PCBD1: variants seen among roughly 807,000 people sequenced by gnomAD.
PCBD1 encodes pterin-4-alpha-carbinolamine dehydratase.
Under a neutral mutation model 12.6 loss-of-function variants are expected in PCBD1, and 16 were observed. The observed-to-expected ratio is 1.27, with a 90% CI of 0.86 to 1.93. The LOEUF is 1.93. PCBD1 is among the 30% of genes most tolerant of loss of function. The probability of loss-of-function intolerance (pLI) is 0.00; values close to 1 mark genes in which losing one functional copy is unlikely to be tolerated. For synonymous variants in PCBD1, 53 were observed against 50.2 expected, an observed-to-expected ratio of 1.05 and a Z score of -0.23; for missense variants, 86 against 130.1, an observed-to-expected ratio of 0.66 and a Z score of 1.65.
chr10:70,887,388 G>A (rs1846600836), intron 1 of PCBD1, among the ~76,000 whole-genome samples: 2 of 152,068 alleles, frequency 1.3e-5, no homozygotes, highest in South Asian at 4.1e-4. Context: ...CTTCCCCTCG[G>A]CTCTGGATGA....
rs1387603530 is a variant in PCBD1, at chr10:70,888,518, C to G, written c.3+13G>C. 2.3e-6 allele frequency: 3 copies of G among 1,327,568 alleles called. No individual in the cohort carries two copies. The highest frequency in any genetic ancestry group is 2.9e-6 in the Non-Finnish European group (3 of 1,037,024). 82.2% of individuals were successfully genotyped at this position (1,327,568 alleles called of 1,614,324 possible). ...CCGCTGCCCCGATCGCGGCCGCGCACCCCTGGACTCACCATGGCGCGGGCG... is the reference window on the plus strand; with the variant it reads ...CCGCTGCCCCGATCGCGGCCGCGCAGCCCTGGACTCACCATGGCGCGGGCG... On this transcript the variant is annotated intron_variant, in intron 1 of 3. Coordinates refer to ENST00000299299, the MANE Select transcript of PCBD1 (RefSeq NM_000281.4).
intron 1 of PCBD1, among the ~76,000 whole-genome samples, chr10:70,887,111 T>A (rs1345076159): frequency 6.6e-6 from 1 of 152,154 alleles, no homozygotes; most frequent in Non-Finnish European, 1.5e-5. Flanking sequence ...ACCAGCCAGG[T>A]GGCTGTACCT....
At position 70,883,540 on chromosome 10, in the gene PCBD1, T is replaced by C. The variant is rs769160766; in HGVS notation, c.*410A>G. 3 of 1,103,958 alleles carry C rather than the reference T, an allele frequency of 2.7e-6. No homozygotes were observed. The highest frequency in any genetic ancestry group is 2.2e-6 in the Non-Finnish European group (2 of 899,008). The allele number at this position is 1,103,958 out of a possible 1,614,324, so 68.4% of individuals were successfully genotyped here. A position where few individuals can be genotyped will look rare whatever the true frequency, so the allele number is the denominator to read the frequency against. On this transcript the variant is annotated 3_prime_UTR_variant, in exon 4 of 4. Transcript: ENST00000299299. ...TGATATAATAGTTTTATTTGAGACA[T>C]AAAAACACATGTGTTTCTATTACAT...
intron 2 of PCBD1, 30 bp from the exon 3 acceptor site, chr10:70,885,262 T>C (rs1846564320): frequency 2.5e-6 from 4 of 1,574,372 alleles, no homozygotes; most frequent in African/African-American, 2.7e-5. Context: ...GCCAGGTTAG[T>C]GTTCTAAGAG....
At chr10:70,886,025 C>T in intron 1 of PCBD1, 96 bp from the exon 2 acceptor site, 3 of 1,496,250 alleles carry the variant, frequency 2.0e-6, no homozygotes, top group Non-Finnish European at 9.1e-7. Context: ...CTTCCACTGG[C>T]TGCTTTGGAC....
intron 1 of PCBD1, chr10:70,888,137 A>G: frequency 5.8e-6 from 1 of 173,478 alleles, no homozygotes; most frequent in Non-Finnish European, 1.2e-5. Context: ...ACGAGCGCGC[A>G]AACTCAGCCT....
chr10:70,888,334 G>T (rs1263192024), intron 1 of PCBD1, 197 bp downstream of exon 1: 33 of 481,156 alleles, frequency 6.9e-5, no homozygotes, highest in Non-Finnish European at 9.8e-5. Context: ...ATTCGAACCC[G>T]CCACCGCCCC....
intron 1 of PCBD1, among the ~76,000 whole-genome samples, chr10:70,886,896 C>T (rs943486311): frequency 6.6e-6 from 1 of 152,184 alleles, no homozygotes; most frequent in Non-Finnish European, 1.5e-5. Flanking sequence ...CTAGGAGGAT[C>T]CAGGTCTAGG....
intron 3 of PCBD1, 67 bp downstream of exon 3, chr10:70,885,085 G>T: frequency 7.7e-7 from 1 of 1,306,630 alleles, no homozygotes; most frequent in South Asian, 1.2e-5. Context: ...AAAGCCTTCA[G>T]AATGTGTCAG....
At chr10:70,887,896 G>T (rs827241) in intron 1 of PCBD1, 1 of 152,250 alleles carries the variant, frequency 6.6e-6, no homozygotes, top group Non-Finnish European at 1.5e-5. Context: ...GATGAAGCTC[G>T]CGAGCTTACA....
Position 70,883,903 on chromosome 10 carries a change from T to C in PCBD1, c.*47A>G. ...CTCAGCTCCCTCCCTGGACTCCCAGTTCAGTCACCCCTTCCCCCGGAAGAA... is the reference window on the plus strand; with the variant it reads ...CTCAGCTCCCTCCCTGGACTCCCAGCTCAGTCACCCCTTCCCCCGGAAGAA... On this transcript the variant is annotated 3_prime_UTR_variant, in exon 4 of 4. Transcript: ENST00000299299. 1 of 1,590,382 alleles carries C rather than the reference T, an allele frequency of 6.3e-7. No individual in the cohort carries two copies. The highest frequency in any genetic ancestry group is 8.6e-7 in the Non-Finnish European group (1 of 1,167,076).
rs924177324 is a variant in PCBD1, at chr10:70,883,682, T to G, written c.*268A>C. ...GGCCTGGCAAGAAAATCATTATTGTTGCTGGGAAGTTGCAAAGAAAGGGGA... is the reference window on the plus strand; with the variant it reads ...GGCCTGGCAAGAAAATCATTATTGTGGCTGGGAAGTTGCAAAGAAAGGGGA... On this transcript the variant is annotated 3_prime_UTR_variant, in exon 4 of 4. Coordinates refer to ENST00000299299, the MANE Select transcript of PCBD1 (RefSeq NM_000281.4). The G allele has an allele frequency of 4.5e-6, 6 of 1,336,330 alleles. No individual in the cohort carries two copies. Among genetic ancestry groups the G allele is most frequent in the Non-Finnish European group, 5.8e-6 (6 of 1,037,684 alleles). The allele number at this position is 1,336,330 out of a possible 1,614,324, so 82.8% of individuals were successfully genotyped here. A position where few individuals can be genotyped will look rare whatever the true frequency, so the allele number is the denominator to read the frequency against.
chr10:70,885,792 C>A lies in PCBD1; in HGVS notation c.135+6G>T. ...CAGAAAACTCTGTCCCACCCTGGTGCCATACCCTGTTGAAGTCTTTGAAAT... is the reference window on the plus strand; with the variant it reads ...CAGAAAACTCTGTCCCACCCTGGTGACATACCCTGTTGAAGTCTTTGAAAT... On this transcript the variant is annotated splice_donor_region_variant and intron_variant, in intron 2 of 3. Transcript: ENST00000299299. The A allele has an allele frequency of 6.2e-7, 1 of 1,613,948 alleles. No individual in the cohort carries two copies. Among genetic ancestry groups the A allele is most frequent in the South Asian group, 1.1e-5 (1 of 90,998 alleles).
rs901469876 is a variant in PCBD1, at chr10:70,886,124, G to A, written c.4-195C>T. ...TGCCCAGGAGGTGGGGTCCAGGCTC[G>A]TCTGCCGATAGGCCCTCAGGTCTTG... is the stretch of plus-strand genomic sequence containing the variant. On this transcript the variant is annotated intron_variant, in intron 1 of 3. Coordinates refer to ENST00000299299, the MANE Select transcript of PCBD1 (RefSeq NM_000281.4). Among the ~76,000 whole-genome samples the A allele has an allele frequency of 6.6e-5, 10 of 152,256 alleles. No homozygotes were observed. In the East Asian group the frequency reaches 1.7e-3, roughly 26 times the overall value.
Position 70,885,928 on chromosome 10 carries a change from G to T in PCBD1, c.5C>A (p.Ala2Asp), listed in dbSNP as rs1846575724. The change falls in exon 2 of 4, where the codon GCT becomes GAT. Residue 2 changes from alanine (A) to aspartate (D), a missense_variant and splice_region_variant. Coordinates refer to ENST00000299299, the MANE Select transcript of PCBD1 (RefSeq NM_000281.4). M[A>D]GKAHRLSAEE... Reference sequence around the variant, plus strand: ...AGCGCTCAGCCTGTGTGCTTTGCCAGCCTAGAAGAGGGAAAAAAACAGAGG... The same window carrying T: ...AGCGCTCAGCCTGTGTGCTTTGCCATCCTAGAAGAGGGAAAAAAACAGAGG... 1.2e-6 allele frequency: 2 copies of T among 1,613,488 alleles called. No homozygotes were observed. Among genetic ancestry groups the T allele is most frequent in the Admixed American group, 3.3e-5 (2 of 59,944 alleles).
rs2131965263 is a variant in PCBD1 at position 70,883,677 on chromosome 10, AT to A, written c.*272del. The stretch of plus-strand genomic sequence containing the variant: ...GAGACGGCCTGGCAAGAAAATCATT[AT>A]TGTTGCTGGGAAGTTGCAAAGAAAG... On this transcript the variant is annotated 3_prime_UTR_variant, in exon 4 of 4. Coordinates refer to ENST00000299299, the MANE Select transcript of PCBD1 (RefSeq NM_000281.4). 2 of 1,328,006 alleles carry A rather than the reference AT, an allele frequency of 1.5e-6. No homozygotes were observed. Among genetic ancestry groups the A allele is most frequent in the Admixed American group, 3.1e-5 (1 of 31,900 alleles). The allele number at this position is 1,328,006 out of a possible 1,614,324, so 82.3% of individuals were successfully genotyped here.
intron 3 of PCBD1, 91 bp from the exon 4 acceptor site, chr10:70,884,139 C>G: frequency 7.5e-7 from 1 of 1,338,440 alleles, no homozygotes. Context: ...GCTAGGAGCT[C>G]CAGAATAGCA....
chr10:70,885,961 G>T (rs752237971), intron 1 of PCBD1, 32 bp from the exon 2 acceptor site: 1 of 1,611,124 alleles, frequency 6.2e-7, no homozygotes, highest in South Asian at 1.1e-5. Flanking sequence ...AGGCCCAAGG[G>T]CATTTCTCTT....
At chr10:70,884,119 G>C (rs1158924706) in intron 3 of PCBD1, 71 bp from the exon 4 acceptor site, 2 of 1,503,438 alleles carry the variant, frequency 1.3e-6, no homozygotes, top group African/African-American at 2.7e-5. Flanking sequence ...TAGCTGCTGG[G>C]CTCAGCCCTG....
Sources: allele counts gnomAD v4.1 joint callset (sites outside exome capture counted in the v4.1 genomes callset), GRCh38; gene constraint gnomAD v4.1.1; transcripts MANE v1.5; gene names NCBI Gene and HGNC (gene_info 2026-07-23, HGNC 2026-07-21).